TMEM131L: variants seen among roughly 807,000 people sequenced by gnomAD.
TMEM131L encodes the protein transmembrane 131 like.
Under a neutral mutation model 192.2 loss-of-function variants are expected in TMEM131L, and 54 were observed. That is an observed-to-expected ratio of 0.28 (90% confidence interval 0.23 to 0.35). The LOEUF is 0.35. TMEM131L is among the 10% of genes least tolerant of loss of function. TMEM131L has a pLI of 1.00. For synonymous variants in TMEM131L, 701 were observed against 704.9 expected (o/e 0.99, Z 0.09); for missense variants, 1,888 against 1,972.9 (o/e 0.96, Z 0.82).
rs1314517642 is a variant in TMEM131L at position 153,603,205 on chromosome 4, T to G, written c.2640-98T>G. 2.9e-6 allele frequency: 3 copies of G among 1,027,444 alleles called. No individual in the cohort carries two copies. In the African/African-American group the frequency reaches 4.9e-5, roughly 17 times the overall value. The allele number at this position is 1,027,444 out of a possible 1,614,324, so 63.6% of individuals were successfully genotyped here. A position where few individuals can be genotyped will look rare whatever the true frequency, so the allele number is the denominator to read the frequency against. On this transcript the variant is annotated intron_variant, in intron 23 of 34. Transcript: ENST00000409959. ...AATTTTAATACTGCATCTTCAGATGTTTTTCGTAAATCATTCCCCACTCTT... is the reference window on the plus strand; with the variant it reads ...AATTTTAATACTGCATCTTCAGATGGTTTTCGTAAATCATTCCCCACTCTT...
chr4:153,532,927 G>A (rs1037674875), intron 3 of TMEM131L, among the ~76,000 whole-genome samples: 3 of 151,740 alleles, frequency 2.0e-5, no homozygotes, highest in Non-Finnish European at 4.4e-5. Flanking sequence ...CCTGGAAGAA[G>A]CAGGGGTATT....
intron 27 of TMEM131L, 21 bp from the exon 28 acceptor site, chr4:153,621,661 TG>T (rs747161715): frequency 3.7e-5 from 58 of 1,577,180 alleles, no homozygotes; most frequent in African/African-American, 2.6e-4. Context: ...TGTGTTTTTT[TG>T]TGTGTGTGTG....
intron 25 of TMEM131L, among the ~76,000 whole-genome samples, chr4:153,607,464 A>G (rs1433993454): frequency 1.3e-5 from 2 of 152,186 alleles, no homozygotes; most frequent in Non-Finnish European, 2.9e-5. Context: ...AGTGCCAGTC[A>G]CGTTGTCTCC....
chr4:153,600,443 A>G (rs1731758331), intron 21 of TMEM131L, among the ~76,000 whole-genome samples: 1 of 152,178 alleles, frequency 6.6e-6, no homozygotes, highest in South Asian at 2.1e-4. Context: ...TAGTTTAAAT[A>G]GCTGCATGTG....
chr4:153,551,150 C>T (rs796307041), intron 4 of TMEM131L, among the ~76,000 whole-genome samples: 20 of 152,204 alleles, frequency 1.3e-4, no homozygotes, highest in African/African-American at 3.9e-4. Context: ...TGCTTGTTTC[C>T]GGGGCTGGCA....
rs1256500906 is a variant in TMEM131L at position 153,612,348 on chromosome 4, A to G, written c.3515A>G (p.Lys1172Arg). 7 of 1,601,080 alleles carry G rather than the reference A, an allele frequency of 4.4e-6. No individual in the cohort carries two copies. In the South Asian group the frequency reaches 4.6e-5, roughly 11 times the overall value. ...TKPSSEKKIH[K>R]TSREDMFSEK... is the part of the protein sequence containing the mutation. Reference sequence around the variant, plus strand: ...CCTTCTTCAGAAAAGAAGATTCACAAAACATCTAGAGAAGACATGTTTTCT... The same window carrying G: ...CCTTCTTCAGAAAAGAAGATTCACAGAACATCTAGAGAAGACATGTTTTCT... Residue 1172 changes from lysine to arginine, a missense_variant, in exon 26 of 35, where the codon AAA becomes AGA. Transcript: ENST00000409959.
chr4:153,621,966 T>G lies in TMEM131L; in HGVS notation c.3859+117T>G, dbSNP rs111370955. 131 of 986,380 alleles carry G rather than the reference T, an allele frequency of 1.3e-4. No individual in the cohort carries two copies. The African/African-American group carries it at 1.7e-3, about 13-fold the overall frequency. 61.1% of individuals were successfully genotyped at this position (986,380 alleles called of 1,614,324 possible). A position where few individuals can be genotyped will look rare whatever the true frequency, so the allele number is the denominator to read the frequency against. The stretch of plus-strand genomic sequence containing the variant: ...ATTTTATCTCTACAGGCAACTTAGC[T>G]AATAACTAAAGCCCCAGTGGAAAGC... On this transcript the variant is annotated intron_variant, in intron 28 of 34. Transcript: ENST00000409959.
intron 21 of TMEM131L, among the ~76,000 whole-genome samples, chr4:153,599,018 G>A (rs1015598409): frequency 3.3e-5 from 5 of 151,784 alleles, no homozygotes; most frequent in Admixed American, 1.3e-4. Context: ...TCATATTGCT[G>A]TAAAGAAATT....
intron 3 of TMEM131L, among the ~76,000 whole-genome samples, chr4:153,533,275 G>C (rs567239558): frequency 2.2e-4 from 33 of 152,092 alleles, no homozygotes; most frequent in African/African-American, 7.7e-4. Context: ...GTAAGCTACC[G>C]CACCCAGCCT....
chr4:153,620,057 T>C (rs893848167), intron 26 of TMEM131L, among the ~76,000 whole-genome samples: 14 of 152,140 alleles, frequency 9.2e-5, no homozygotes, highest in Non-Finnish European at 1.9e-4. Flanking sequence ...AGGATTAGAA[T>C]ATGTTAAAGA....
At chr4:153,506,958 C>T (rs1734035411) in intron 3 of TMEM131L, among the ~76,000 whole-genome samples, 1 of 151,978 alleles carries the variant, frequency 6.6e-6, no homozygotes, top group African/African-American at 2.4e-5. Context: ...TCCCCTGTAA[C>T]CATAGCTGAA....
intron 7 of TMEM131L, among the ~76,000 whole-genome samples, chr4:153,563,991 TTA>T (rs1729021871): frequency 6.6e-6 from 1 of 151,840 alleles, no homozygotes; most frequent in South Asian, 2.1e-4. Flanking sequence ...ATTGGTACCT[TTA>T]ATAAAAGAGG....
chr4:153,556,937 A>G (rs770163849), intron 5 of TMEM131L, 29 bp from the exon 6 acceptor site: 3 of 1,077,140 alleles, frequency 2.8e-6, no homozygotes, highest in Non-Finnish European at 4.2e-6. Context: ...AGGCCATTCC[A>G]AGTGGCTGAC....
chr4:153,490,361 T>C (rs1207388895), intron 3 of TMEM131L, among the ~76,000 whole-genome samples: 1 of 152,172 alleles, frequency 6.6e-6, no homozygotes, highest in African/African-American at 2.4e-5. Context: ...ACTCTAGTCA[T>C]TAGAGGGCTG....
chr4:153,525,913 T>C (rs1735440904), intron 3 of TMEM131L, among the ~76,000 whole-genome samples: 1 of 151,348 alleles, frequency 6.6e-6, no homozygotes, highest in Admixed American at 6.6e-5. Flanking sequence ...CTAGAGTGAG[T>C]TGGCACGATC....
intron 2 of TMEM131L, among the ~76,000 whole-genome samples, chr4:153,472,978 C>G (rs548081309): frequency 6.6e-6 from 1 of 152,368 alleles, no homozygotes; most frequent in African/African-American, 2.4e-5. Flanking sequence ...TCTGCAGCAG[C>G]AAGTGTGTGC....
chr4:153,572,839 T>TC (rs1424539014), intron 7 of TMEM131L, among the ~76,000 whole-genome samples: 1 of 152,166 alleles, frequency 6.6e-6, no homozygotes, highest in Non-Finnish European at 1.5e-5. Context: ...AAGGGGAAAC[T>TC]CCATACCCAT....
At chr4:153,501,338 C>G (rs1733593941) in intron 3 of TMEM131L, among the ~76,000 whole-genome samples, 1 of 151,674 alleles carries the variant, frequency 6.6e-6, no homozygotes, top group Non-Finnish European at 1.5e-5. Context: ...GTAGCTGGGA[C>G]TACAGGCGCG....
intron 25 of TMEM131L, among the ~76,000 whole-genome samples, chr4:153,606,932 A>T (rs1307330450): frequency 6.6e-6 from 1 of 152,216 alleles, no homozygotes; most frequent in East Asian, 1.9e-4. Flanking sequence ...CCTCCCAGGG[A>T]AGTTTGTACA....
Sources: gnomAD v4.1 joint callset for allele counts (sites outside exome capture counted in the v4.1 genomes callset) on GRCh38, gnomAD v4.1.1 for gene constraint, MANE v1.5 for transcripts, NCBI Gene and HGNC (gene_info 2026-07-23, HGNC 2026-07-21) for gene names.